ABCA5: variants seen among roughly 807,000 people sequenced by gnomAD.
The protein encoded by ABCA5 is cholesterol transporter ABCA5.
ABCA5 carries 163 observed loss-of-function variants against 206.0 expected under a neutral mutation model. The ratio of observed to expected loss-of-function variants is 0.79; its 90% CI spans 0.70 to 0.90. The LOEUF is 0.90. ABCA5 is among the 40% of genes least tolerant of loss of function. The probability of loss-of-function intolerance (pLI) is 0.00; values close to 1 mark genes in which losing one functional copy is unlikely to be tolerated. For missense variants in ABCA5, 1,859 were observed against 1,912.9 expected, an observed-to-expected ratio of 0.97 and a Z score of 0.53; for synonymous variants, 609 against 613.8, an observed-to-expected ratio of 0.99 and a Z score of 0.11.
At chr17:69,266,850 G>GTATT (rs1252015775) in intron 23 of ABCA5, among the ~76,000 whole-genome samples, 2 of 150,110 alleles carry the variant, frequency 1.3e-5, no homozygotes, top group African/African-American at 2.4e-5. Context: ...TTATTAGAAT[G>GTATT]TATTTATTTA....
rs530230882 is a variant in ABCA5, at chr17:69,251,856, G to A, written c.4426C>T (p.Arg1476Ter). The A allele has an allele frequency of 7.4e-6, 12 of 1,612,822 alleles. No homozygotes were observed. The highest frequency in any genetic ancestry group is 2.7e-5 in the African/African-American group (2 of 74,864). ...KAKQHMWRAI[R>*]TAFKNRKRAA... ...CGCTTTCTGTTTTTAAATGCAGTTC[G>A]AATTGCTCGCCTATAAAACATAAAT... Residue 1476 changes from arginine to a stop codon, truncating the protein, a stop_gained, in exon 35 of 39, where the codon CGA becomes TGA. Transcript: ENST00000392676. LOFTEE classifies it high-confidence loss of function.
At chr17:69,262,526 C>T (rs772994582) in intron 24 of ABCA5, among the ~76,000 whole-genome samples, 32 of 152,128 alleles carry the variant, frequency 2.1e-4, no homozygotes, top group Admixed American at 1.4e-3. Context: ...AGAATAATGG[C>T]CTCCAACTGC....
chr17:69,270,323 A>T lies in ABCA5; in HGVS notation c.3030+290T>A, dbSNP rs960585066. On this transcript the variant is annotated intron_variant, in intron 22 of 38. Coordinates refer to ENST00000392676, the MANE Select transcript of ABCA5 (RefSeq NM_172232.4). ...AATACCCAATACCTGGATTTTAGGT[A>T]AAAAATATTCATTTAAAAATTATCT... Among the ~76,000 whole-genome samples, 44 of 152,150 alleles carry T rather than the reference A, an allele frequency of 2.9e-4. No individual in the cohort carries two copies. The East Asian group carries it at 6.2e-3, about 21-fold the overall frequency.
Position 69,306,761 on chromosome 17 carries a change from A to T in ABCA5, c.752T>A (p.Phe251Tyr). Residue 251 changes from phenylalanine to tyrosine, a missense_variant, in exon 6 of 39, where the codon TTT becomes TAT. By Grantham distance (22) the Phe-to-Tyr change is conservative. Coordinates refer to ENST00000392676, the MANE Select transcript of ABCA5 (RefSeq NM_172232.4). ...ATCATGAAGTCCCATTATCTTTAAAAATTCTTTTATTTTTTTTTCTTTTTC... is the reference window on the plus strand; with the variant it reads ...ATCATGAAGTCCCATTATCTTTAAATATTCTTTTATTTTTTTTTCTTTTTC... The part of the protein sequence containing the change: ...VAEKEKKIKE[F>Y]LKIMGLHDTA... 1 of 1,559,396 alleles carries T rather than the reference A, an allele frequency of 6.4e-7. No homozygotes were observed. Among genetic ancestry groups the T allele is most frequent in the Non-Finnish European group, 8.7e-7 (1 of 1,152,024 alleles).
Position 69,303,855 on chromosome 17 carries a change from T to TATAC in ABCA5, c.930+813_930+814insGTAT, listed in dbSNP as rs1491166935. On this transcript the variant is annotated intron_variant, in intron 7 of 38. Coordinates refer to ENST00000392676, the MANE Select transcript of ABCA5 (RefSeq NM_172232.4). ...ATATATATATACATACATATATATATGTATATATATATATACATATATACA... is the reference window on the plus strand; with the variant it reads ...ATATATATATACATACATATATATATATACGTATATATATATATACATATATACA... Among the ~76,000 whole-genome samples the TATAC allele has an allele frequency of 1.5e-3, 69 of 47,038 alleles. 6 individuals are homozygous for TATAC. Among genetic ancestry groups the TATAC allele is most frequent in the African/African-American group, 4.5e-3 (66 of 14,678 alleles). The allele number at this position is 47,038 out of a possible 152,430, so 30.9% of individuals were successfully genotyped here.
intron 10 of ABCA5, 125 bp downstream of exon 10, chr17:69,297,063 TTAA>T (rs2144998290): frequency 1.1e-6 from 1 of 875,688 alleles, no homozygotes; most frequent in Admixed American, 3.3e-5. Context: ...GTAGCCCTTA[TTAA>T]TGTTTTAAAA....
intron 8 of ABCA5, among the ~76,000 whole-genome samples, 162 bp downstream of exon 8, chr17:69,302,556 T>C (rs1432121683): frequency 6.6e-6 from 1 of 152,092 alleles, no homozygotes; most frequent in African/African-American, 2.4e-5. Context: ...CAAACATAAA[T>C]AAAACTAGAT....
rs16973895 is a variant in ABCA5, at chr17:69,307,041, G to T, written c.559-87C>A. 1.4e-3 allele frequency: 1,223 copies of T among 871,884 alleles called. 26 individuals carry two copies. In the East Asian group the frequency reaches 0.029, roughly 21 times the overall value. The allele number at this position is 871,884 out of a possible 1,614,324, so 54.0% of individuals were successfully genotyped here. ...ACGGGACAGCTATATCCCTAAATTT[G>T]GTCAGTAACCTAGTACAAATACAAT... On this transcript the variant is annotated intron_variant, in intron 5 of 38. Transcript: ENST00000392676.
Position 69,325,905 on chromosome 17 carries a change from T to A in ABCA5, c.-16+1147A>T, listed in dbSNP as rs1366706290. 4 of 152,266 alleles carry A rather than the reference T, an allele frequency of 2.6e-5. No homozygotes were observed. In the East Asian group the frequency reaches 7.7e-4, roughly 29 times the overall value. The allele number at this position is 152,266 out of a possible 1,614,324, so 9.4% of individuals were successfully genotyped here. A position where few individuals can be genotyped will look rare whatever the true frequency, so the allele number is the denominator to read the frequency against. On this transcript the variant is annotated intron_variant, in intron 1 of 38. Coordinates refer to ENST00000392676, the MANE Select transcript of ABCA5 (RefSeq NM_172232.4). ...ATGTAAGATTTCCCTACACTAAATC[T>A]GTTTGAAAGGAAATATACTCAAACA... is the stretch of plus-strand genomic sequence containing the variant.
intron 3 of ABCA5, among the ~76,000 whole-genome samples, chr17:69,310,184 G>T (rs539894396): frequency 6.6e-6 from 1 of 152,126 alleles, no homozygotes; most frequent in East Asian, 1.9e-4. Context: ...GCTTTGTTCT[G>T]TTACCCAGCC....
intron 8 of ABCA5, among the ~76,000 whole-genome samples, chr17:69,302,321 G>A (rs1057300708): frequency 2.0e-5 from 3 of 152,050 alleles, no homozygotes; most frequent in African/African-American, 2.4e-5. Flanking sequence ...CTACACTCAC[G>A]GTAAATTTGT....
chr17:69,262,953 A>C (rs553992098), intron 24 of ABCA5, among the ~76,000 whole-genome samples: 397 of 152,252 alleles, frequency 2.6e-3, no homozygotes, highest in Non-Finnish European at 4.9e-3. Flanking sequence ...ATGGTATCTT[A>C]CTGTGGTTTT....
chr17:69,298,349 A>AG (rs879777702), intron 9 of ABCA5, among the ~76,000 whole-genome samples: 1 of 134,220 alleles, frequency 7.5e-6, no homozygotes, highest in Non-Finnish European at 1.6e-5. Flanking sequence ...GAAGGAAGGA[A>AG]AGAAGGAAAG....
intron 1 of ABCA5, among the ~76,000 whole-genome samples, chr17:69,316,502 G>A (rs1598209334): frequency 7.8e-6 from 1 of 129,008 alleles, no homozygotes; most frequent in African/African-American, 2.8e-5. Flanking sequence ...AAAAAAAAAA[G>A]AAGAAAAAAG....
intron 23 of ABCA5, 23 bp downstream of exon 23, chr17:69,267,920 T>C (rs1283846540): frequency 2.9e-6 from 4 of 1,376,602 alleles, no homozygotes; most frequent in East Asian, 4.6e-5. Context: ...TAGCAAATTA[T>C]ATATTTTTAA....
intron 34 of ABCA5, 55 bp from the exon 35 acceptor site, chr17:69,251,921 A>C: frequency 6.3e-7 from 1 of 1,583,012 alleles, no homozygotes; most frequent in Non-Finnish European, 8.5e-7. Flanking sequence ...GTTAAAAAAA[A>C]ATGGGTTTTT....
At chr17:69,295,028 T>G (rs1008041123) in intron 10 of ABCA5, among the ~76,000 whole-genome samples, 1 of 152,184 alleles carries the variant, frequency 6.6e-6, no homozygotes, top group Non-Finnish European at 1.5e-5. Context: ...AAACCGTTGT[T>G]TAGCATATAT....
chr17:69,259,143 T>C lies in ABCA5; in HGVS notation c.3731+563A>G, dbSNP rs769549656. ...AACAGTTGTATACAAACTAGCAACA[T>C]TGTTCATAATAGCTGAATTCATAGC... is the stretch of plus-strand genomic sequence containing the variant. On this transcript the variant is annotated intron_variant, in intron 28 of 38. Transcript: ENST00000392676. Among the ~76,000 whole-genome samples, 5 of 152,110 alleles carry C rather than the reference T, an allele frequency of 3.3e-5. No homozygotes were observed. In the South Asian group the frequency reaches 6.2e-4, roughly 19 times the overall value.
Position 69,245,808 on chromosome 17 carries a change from C to T in ABCA5, c.*1729G>A, listed in dbSNP as rs536632456. The T allele has an allele frequency of 1.3e-4, 20 of 152,050 alleles. No individual in the cohort carries two copies. Among genetic ancestry groups the T allele is most frequent in the African/African-American group, 3.9e-4 (16 of 41,534 alleles). 9.4% of individuals were successfully genotyped at this position (152,050 alleles called of 1,614,324 possible). A position where few individuals can be genotyped will look rare whatever the true frequency, so the allele number is the denominator to read the frequency against. ...TGTAAAGTGAAAGTTACCAAATCTA[C>T]GTGCAAAAGCAGGTAATTTTCTTCA... On this transcript the variant is annotated 3_prime_UTR_variant, in exon 39 of 39. Coordinates refer to ENST00000392676, the MANE Select transcript of ABCA5 (RefSeq NM_172232.4).
Sources: allele counts gnomAD v4.1 joint callset (sites outside exome capture counted in the v4.1 genomes callset), GRCh38; gene constraint gnomAD v4.1.1; transcripts MANE v1.5; gene names NCBI Gene and HGNC (gene_info 2026-07-23, HGNC 2026-07-21).